The following AGAP1 variants were observed in gnomAD, a reference collection of about 807,000 sequenced individuals.
AGAP1 encodes the protein arf-GAP with GTPase, ANK repeat and PH domain-containing protein 1.
Under a neutral mutation model 105.3 loss-of-function variants are expected in AGAP1, and 29 were observed. The observed-to-expected ratio is 0.28, with a 90% CI of 0.21 to 0.38. The LOEUF is 0.38. Ranked by LOEUF, AGAP1 falls within the 10% of genes least tolerant of loss-of-function variation. AGAP1 has a pLI of 1.00. For missense variants in AGAP1, 998 were observed against 1,165.1 expected, an observed-to-expected ratio of 0.86 and a Z score of 2.09; for synonymous variants, 509 against 485.9, an observed-to-expected ratio of 1.05 and a Z score of -0.63.
chr2:236,030,093 T>G (rs1329040369), intron 13 of AGAP1, among the ~76,000 whole-genome samples: 1 of 152,238 alleles, frequency 6.6e-6, no homozygotes, highest in East Asian at 1.9e-4. Flanking sequence ...GTCTACACTG[T>G]TATTTTCTCT....
chr2:235,702,783 T>C (rs1020770928), intron 1 of AGAP1, among the ~76,000 whole-genome samples: 3 of 149,212 alleles, frequency 2.0e-5, no homozygotes, highest in Admixed American at 6.8e-5. Context: ...AGCAGGAACA[T>C]CTCCTCCTGG....
At chr2:235,508,748 C>T (rs1163888221) in intron 1 of AGAP1, among the ~76,000 whole-genome samples, 1 of 152,194 alleles carries the variant, frequency 6.6e-6, no homozygotes, top group Non-Finnish European at 1.5e-5. Context: ...CACACAAATT[C>T]TGTGACATTT....
chr2:235,805,510 T>C (rs1250101307), intron 8 of AGAP1, among the ~76,000 whole-genome samples: 26 of 152,186 alleles, frequency 1.7e-4, no homozygotes, highest in Non-Finnish European at 5.9e-5. Flanking sequence ...TTAGAATTTG[T>C]AAAATTCCCA....
chr2:235,945,968 G>A (rs1473788985), intron 12 of AGAP1, among the ~76,000 whole-genome samples: 1 of 151,908 alleles, frequency 6.6e-6, no homozygotes, highest in Non-Finnish European at 1.5e-5. Context: ...AACACCAAGA[G>A]GGAGCTCTGC....
At position 236,096,041 on chromosome 2, in the gene AGAP1, T is replaced by C. The variant is rs919155034; in HGVS notation, c.2115-24151T>C. Among the ~76,000 whole-genome samples the C allele has an allele frequency of 1.3e-5, 2 of 152,208 alleles. No individual in the cohort carries two copies. Among genetic ancestry groups the C allele is most frequent in the South Asian group, 4.1e-4 (2 of 4,834 alleles). On this transcript the variant is annotated intron_variant, in intron 16 of 17. Transcript: ENST00000304032. This position sits in a 1 kb window ranked among gnomAD's most constrained non-coding sequence, Gnocchi z 4.4. ...CTTTATTGTTTTGGGTACTTGGAAATCCATTCTGCATTCGCTCAGGTACAG... is the reference window on the plus strand; with the variant it reads ...CTTTATTGTTTTGGGTACTTGGAAACCCATTCTGCATTCGCTCAGGTACAG...
chr2:235,701,413 C>A lies in AGAP1; in HGVS notation c.164-7766C>A, dbSNP rs1950255965. On this transcript the variant is annotated intron_variant, in intron 1 of 17. Transcript: ENST00000304032. This position sits in a 1 kb window ranked among gnomAD's most constrained non-coding sequence, Gnocchi z 4.1. ...CCTGCAGGGGTGGGCATGGTGGCAT[C>A]TTGGTGGCCAGGTGTTCGTCACCCT... Among the ~76,000 whole-genome samples, 1 of 152,082 alleles carries A rather than the reference C, an allele frequency of 6.6e-6. No individual in the cohort carries two copies. The highest frequency in any genetic ancestry group is 2.1e-4 in the South Asian group (1 of 4,820).
At chr2:235,597,107 A>G (rs1326052624) in intron 1 of AGAP1, among the ~76,000 whole-genome samples, 2 of 152,200 alleles carry the variant, frequency 1.3e-5, no homozygotes, top group African/African-American at 4.8e-5. Flanking sequence ...AGGGAGATCA[A>G]AAGAGTTAAG....
intron 13 of AGAP1, among the ~76,000 whole-genome samples, chr2:235,974,257 T>A (rs1161544117): frequency 6.6e-6 from 1 of 152,200 alleles, no homozygotes; most frequent in Non-Finnish European, 1.5e-5. Flanking sequence ...AAAGCAAGTC[T>A]TTGAGGTATG....
intron 9 of AGAP1, among the ~76,000 whole-genome samples, chr2:235,823,124 C>G (rs1958888221): frequency 6.6e-6 from 1 of 152,060 alleles, no homozygotes; most frequent in Non-Finnish European, 1.5e-5. Context: ...CAAGTAGTTT[C>G]TCTCAGAGAA....
chr2:235,703,942 T>TG (rs923148661), intron 1 of AGAP1, among the ~76,000 whole-genome samples: 2 of 152,200 alleles, frequency 1.3e-5, no homozygotes, highest in Non-Finnish European at 2.9e-5. Flanking sequence ...CTCCAAGTAC[T>TG]GGGATTACAG....
In AGAP1 at chr2:235,919,563, A is replaced by G. The variant is rs1319146017; in HGVS notation, c.1324+10657A>G. On this transcript the variant is annotated intron_variant, in intron 11 of 17. Coordinates refer to ENST00000304032, the MANE Select transcript of AGAP1 (RefSeq NM_001037131.3). The surrounding 1 kb of genome is among the most constrained non-coding windows in gnomAD (Gnocchi z 4.1). The stretch of plus-strand genomic sequence containing the variant: ...TGAGATCATTTTGTAAGAACTGGAA[A>G]GCAGAGAAAGAAGTAGTAGTGAATA... 6.6e-6 allele frequency among the ~76,000 whole-genome samples: 1 copy of G among 152,192 alleles called. No homozygotes were observed. Among genetic ancestry groups the G allele is most frequent in the Non-Finnish European group, 1.5e-5 (1 of 68,036 alleles).
At position 235,854,296 on chromosome 2, in the gene AGAP1, C is replaced by A. The variant is rs2048594766; in HGVS notation, c.1051-29049C>A. 2.0e-5 allele frequency among the ~76,000 whole-genome samples: 3 copies of A among 152,214 alleles called. No individual in the cohort carries two copies. The South Asian group carries it at 6.2e-4, about 32-fold the overall frequency. ...GAGAAAGAATATTGCATGGAGTAGA[C>A]CCCGCTCCTCCCCCGCATCCAACTG... On this transcript the variant is annotated intron_variant, in intron 9 of 17. Transcript: ENST00000304032.
rs770727558 is a variant in AGAP1 at position 236,119,971 on chromosome 2, G to A, written c.2115-221G>A. Among the ~76,000 whole-genome samples the A allele has an allele frequency of 5.3e-5, 8 of 152,204 alleles. No homozygotes were observed. The highest frequency in any genetic ancestry group is 7.3e-5 in the Non-Finnish European group (5 of 68,042). On this transcript the variant is annotated intron_variant, in intron 16 of 17. Transcript: ENST00000304032. This position sits in a 1 kb window ranked among gnomAD's most constrained non-coding sequence, Gnocchi z 6.6. ...GGTTTGGATTCAGGGGGTCTGGGGC[G>A]TGACCTGAGAATCTGCATTTCTGGG...
At chr2:235,755,692 C>T (rs1264535977) in intron 6 of AGAP1, among the ~76,000 whole-genome samples, 2 of 152,184 alleles carry the variant, frequency 1.3e-5, no homozygotes, top group African/African-American at 2.4e-5. Context: ...CCTCTGGCCT[C>T]GGCCTTCCAA....
At chr2:235,495,175 G>A (rs1256528976) in intron 1 of AGAP1, among the ~76,000 whole-genome samples, 1 of 152,174 alleles carries the variant, frequency 6.6e-6, no homozygotes, top group Non-Finnish European at 1.5e-5. Context: ...GGGGGCAGCC[G>A]GCGGGGTCGG....
chr2:235,587,952 G>A (rs1945180302), intron 1 of AGAP1, among the ~76,000 whole-genome samples: 1 of 151,926 alleles, frequency 6.6e-6, no homozygotes, highest in African/African-American at 2.4e-5. Context: ...ATTTGTGGCC[G>A]GGTGTGGTGG....
At position 235,934,944 on chromosome 2, in the gene AGAP1, C is replaced by G. The variant is rs116388639; in HGVS notation, c.1483+4021C>G. On this transcript the variant is annotated intron_variant, in intron 12 of 17. Transcript: ENST00000304032. This position sits in a 1 kb window ranked among gnomAD's most constrained non-coding sequence, Gnocchi z 4.9. ...TTGGCTCTGGAGAACTTTTCAAAGT[C>G]TCCTCTCTAGACACACCGGTCCCCC... Among the ~76,000 whole-genome samples the G allele has an allele frequency of 2.0e-3, 299 of 152,302 alleles. 1 individual carries two copies. The highest frequency in any genetic ancestry group is 6.8e-3 in the African/African-American group (283 of 41,558).
At chr2:235,876,739 C>G (rs2049757002) in intron 9 of AGAP1, among the ~76,000 whole-genome samples, 1 of 152,166 alleles carries the variant, frequency 6.6e-6, no homozygotes, top group South Asian at 2.1e-4. Flanking sequence ...TTTCTTGCAT[C>G]TGCGTTCTCC....
At chr2:235,654,087 G>C (rs1674488482) in intron 1 of AGAP1, among the ~76,000 whole-genome samples, 1 of 152,186 alleles carries the variant, frequency 6.6e-6, no homozygotes, top group African/African-American at 2.4e-5. Context: ...GTTAATTTTA[G>C]AAAGTACAAA....
Sources: allele counts gnomAD v4.1 joint callset (sites outside exome capture counted in the v4.1 genomes callset), GRCh38; gene constraint gnomAD v4.1.1; non-coding constraint Gnocchi (gnomAD v3.1); transcripts MANE v1.5; gene names NCBI Gene and HGNC (gene_info 2026-07-23, HGNC 2026-07-21).